The following CMIP variants were observed in gnomAD, a reference collection of about 807,000 sequenced individuals.
CMIP encodes c-Maf inducing protein.
Under a neutral mutation model 97.3 loss-of-function variants are expected in CMIP, and 13 were observed. The ratio of observed to expected loss-of-function variants is 0.13; its 90% confidence interval spans 0.09 to 0.21. The LOEUF (loss-of-function observed/expected upper bound fraction) is 0.21. Ranked by LOEUF, CMIP falls within the 10% of genes least tolerant of loss-of-function variation. The probability of loss-of-function intolerance (pLI) is 1.00; values close to 1 mark genes in which losing one functional copy is unlikely to be tolerated. For missense variants in CMIP, 847 were observed against 1,024.9 expected (o/e 0.83, Z 2.37); for synonymous variants, 538 against 436.3 (o/e 1.23, Z -2.91).
intron 3 of CMIP, among the ~76,000 whole-genome samples, chr16:81,623,163 C>T (rs2092015471): frequency 6.6e-6 from 1 of 152,130 alleles, no homozygotes; most frequent in African/African-American, 2.4e-5. Context: ...AAGATTGGTC[C>T]ACTGCACTCC....
chr16:81,471,460 A>G (rs1475920251), intron 1 of CMIP, among the ~76,000 whole-genome samples: 1 of 152,254 alleles, frequency 6.6e-6, no homozygotes, highest in African/African-American at 2.4e-5. Flanking sequence ...ATGTACACAT[A>G]CACATGTATG....
Position 81,445,309 on chromosome 16 carries a change from T to TG in CMIP, c.74dup (p.Asp26ArgfsTer90). On this transcript the variant is annotated frameshift_variant, in exon 1 of 21. Coordinates refer to ENST00000537098, the MANE Select transcript of CMIP (RefSeq NM_198390.3). LOFTEE classifies it high-confidence loss of function. ...CAGATCGAGGAGACCAAGCCGCTGC[T>TG]GGGGGGCGACGTGTCGGCCCCCGAA... 2 of 1,570,862 alleles carry TG rather than the reference T, an allele frequency of 1.3e-6. No individual in the cohort carries two copies. Among genetic ancestry groups the TG allele is most frequent in the Non-Finnish European group, 8.6e-7 (1 of 1,159,852 alleles).
chr16:81,604,885 G>C (rs907857503), intron 1 of CMIP, among the ~76,000 whole-genome samples: 1 of 152,126 alleles, frequency 6.6e-6, no homozygotes, highest in African/African-American at 2.4e-5. Flanking sequence ...ACGGATGAAA[G>C]TTGCCTTTAT....
intron 1 of CMIP, chr16:81,607,001 G>A (rs2091754769): frequency 6.4e-6 from 1 of 155,380 alleles, no homozygotes; most frequent in African/African-American, 2.4e-5. Context: ...GCGGGACTGG[G>A]CGCATAGGGA....
chr16:81,696,700 A>G (rs778362912), intron 14 of CMIP, 33 bp downstream of exon 14: 2 of 1,586,744 alleles, frequency 1.3e-6, no homozygotes, highest in Non-Finnish European at 8.6e-7. Flanking sequence ...GGTGACTTCC[A>G]GGGGTCCCTG....
chr16:81,591,658 G>A (rs1030481220), intron 1 of CMIP, among the ~76,000 whole-genome samples: 10 of 152,164 alleles, frequency 6.6e-5, no homozygotes, highest in South Asian at 2.1e-4. Flanking sequence ...TCAACACTCC[G>A]GACCTTCTGG....
chr16:81,513,822 T>G (rs1395988071), intron 1 of CMIP, among the ~76,000 whole-genome samples: 1 of 152,236 alleles, frequency 6.6e-6, no homozygotes, highest in Non-Finnish European at 1.5e-5. Flanking sequence ...TCTCGGATCC[T>G]CTGGGCTGGC....
chr16:81,584,247 A>C (rs1447145002), intron 1 of CMIP, among the ~76,000 whole-genome samples: 1 of 150,992 alleles, frequency 6.6e-6, no homozygotes, highest in Non-Finnish European at 1.5e-5. Context: ...TAGAAGGAAA[A>C]CTCCTTGGAG....
intron 10 of CMIP, among the ~76,000 whole-genome samples, chr16:81,689,207 G>T (rs1288977079): frequency 6.6e-6 from 1 of 152,208 alleles, no homozygotes; most frequent in Non-Finnish European, 1.5e-5. Flanking sequence ...GGTATTTCTA[G>T]TTCTAGATCC....
chr16:81,543,515 G>A (rs1473236191), intron 1 of CMIP, among the ~76,000 whole-genome samples: 2 of 152,120 alleles, frequency 1.3e-5, no homozygotes, highest in African/African-American at 2.4e-5. Flanking sequence ...CAGGACTGAG[G>A]GCGCTGAAAG....
intron 1 of CMIP, among the ~76,000 whole-genome samples, chr16:81,600,064 A>C (rs2091631888): frequency 6.6e-6 from 1 of 152,030 alleles, no homozygotes; most frequent in South Asian, 2.1e-4. Flanking sequence ...GTGGATCACA[A>C]GGTCAGGAGT....
chr16:81,445,265 C>T lies in CMIP; in HGVS notation c.24C>T (p.Gly8=). MDVTSSS[G]GGGDPRQIEE... ...CCATGGATGTGACCAGCAGCTCGGGCGGCGGCGGCGACCCCCGGCAGATCG... is the reference window on the plus strand; with the variant it reads ...CCATGGATGTGACCAGCAGCTCGGGTGGCGGCGGCGACCCCCGGCAGATCG... The change falls in exon 1 of 21, where the codon GGC becomes GGT. Residue 8 remains glycine (G), a synonymous_variant. Transcript: ENST00000537098. 2 of 1,529,622 alleles carry T rather than the reference C, an allele frequency of 1.3e-6. No homozygotes were observed. The highest frequency in any genetic ancestry group is 8.8e-7 in the Non-Finnish European group (1 of 1,140,868). 94.8% of individuals were successfully genotyped at this position (1,529,622 alleles called of 1,614,324 possible). A position where few individuals can be genotyped will look rare whatever the true frequency, so the allele number is the denominator to read the frequency against.
At chr16:81,497,849 C>G (rs958140682) in intron 1 of CMIP, among the ~76,000 whole-genome samples, 2 of 152,268 alleles carry the variant, frequency 1.3e-5, no homozygotes, top group Admixed American at 6.5e-5. Context: ...AAAGCTCCTT[C>G]TGCCCGTGCA....
At chr16:81,573,172 C>G (rs763395394) in intron 1 of CMIP, among the ~76,000 whole-genome samples, 1 of 152,062 alleles carries the variant, frequency 6.6e-6, no homozygotes, top group Non-Finnish European at 1.5e-5. Context: ...GGTGAAACCC[C>G]GTCTCTACTA....
At chr16:81,560,570 A>C (rs1299876707) in intron 1 of CMIP, among the ~76,000 whole-genome samples, 1 of 152,150 alleles carries the variant, frequency 6.6e-6, no homozygotes, top group Admixed American at 6.5e-5. Flanking sequence ...AGTGTTTATG[A>C]AGTCTGCAGT....
intron 1 of CMIP, among the ~76,000 whole-genome samples, chr16:81,500,272 G>GTCCTTCCGTCCT (rs2089575908): frequency 4.6e-5 from 3 of 64,792 alleles, no homozygotes; most frequent in Non-Finnish European, 8.9e-5. Context: ...CCTTCCTTCC[G>GTCCTTCCGTCCT]TCCTTCCTTC....
chr16:81,632,468 A>C (rs1014469223), intron 3 of CMIP, among the ~76,000 whole-genome samples: 2 of 152,206 alleles, frequency 1.3e-5, no homozygotes, highest in African/African-American at 4.8e-5. Flanking sequence ...GTAGCACACA[A>C]ATCCACACCA....
At chr16:81,509,904 T>C (rs2089778942) in intron 1 of CMIP, among the ~76,000 whole-genome samples, 1 of 152,206 alleles carries the variant, frequency 6.6e-6, no homozygotes, top group South Asian at 2.1e-4. Flanking sequence ...ATGCAGTGAT[T>C]GGCTGGGGGC....
chr16:81,661,056 TG>T (rs1364178748), intron 6 of CMIP, 110 bp downstream of exon 6: 12 of 1,321,134 alleles, frequency 9.1e-6, no homozygotes, highest in African/African-American at 1.4e-5. Flanking sequence ...CCCACCGTCT[TG>T]GGTCACGGTC....
Sources: gnomAD v4.1 joint callset for allele counts (sites outside exome capture counted in the v4.1 genomes callset) on GRCh38, gnomAD v4.1.1 for gene constraint, MANE v1.5 for transcripts, NCBI Gene and HGNC (gene_info 2026-07-23, HGNC 2026-07-21) for gene names.